ZBTB34: variants seen among roughly 807,000 people sequenced by gnomAD.
ZBTB34 encodes the protein zinc finger and BTB domain containing 34.
ZBTB34 carries 1 observed loss-of-function variant against 33.4 expected under a neutral mutation model. That is an observed-to-expected ratio of 0.03 (90% CI 0.01 to 0.14). The LOEUF (loss-of-function observed/expected upper bound fraction) is 0.14. Among genes scored for constraint, ZBTB34 ranks in the 10% least tolerant of loss-of-function variants. The pLI, the probability that ZBTB34 is intolerant of heterozygous loss-of-function variation, is 1.00. For missense variants in ZBTB34, 406 were observed against 657.2 expected (o/e 0.62, Z 4.18); for synonymous variants, 283 against 253.5 (o/e 1.12, Z -1.11).
Position 126,880,473 on chromosome 9 carries a change from C to G in ZBTB34, c.1074C>G (p.Ser358Arg). Residue 358 changes from serine (S) to arginine (R), a missense_variant, in exon 2 of 2, where the codon AGC becomes AGG. Transcript: ENST00000319119. This position sits in a 1 kb window ranked among gnomAD's most constrained non-coding sequence, Gnocchi z 6.7. ...TGATGAACAACCCCGGGTATGAGAGCAGTCCCCGGGAGAGGAGTGCGAGAG... is the reference window on the plus strand; with the variant it reads ...TGATGAACAACCCCGGGTATGAGAGGAGTCCCCGGGAGAGGAGTGCGAGAG... The G allele has an allele frequency of 6.2e-7, 1 of 1,613,816 alleles. No homozygotes were observed. Among genetic ancestry groups the G allele is most frequent in the Non-Finnish European group, 8.5e-7 (1 of 1,179,892 alleles).
At chr9:126,871,919 C>T (rs1564222557) in intron 1 of ZBTB34, among the ~76,000 whole-genome samples, 1 of 151,824 alleles carries the variant, frequency 6.6e-6, no homozygotes, top group African/African-American at 2.4e-5. Context: ...AATTCGAGAC[C>T]AGCCTGGGCA....
At chr9:126,870,716 C>T (rs1283791412) in intron 1 of ZBTB34, among the ~76,000 whole-genome samples, 1 of 152,182 alleles carries the variant, frequency 6.6e-6, no homozygotes, top group Non-Finnish European at 1.5e-5. Context: ...CATCTGAGGT[C>T]AGGAGTTCAA....
intron 1 of ZBTB34, among the ~76,000 whole-genome samples, chr9:126,863,065 T>G (rs1006317684): frequency 6.6e-6 from 1 of 152,298 alleles, no homozygotes; most frequent in Admixed American, 6.5e-5. Context: ...TTGAAACGTT[T>G]CCCTCTGATC....
At chr9:126,862,310 A>G (rs950897438) in intron 1 of ZBTB34, among the ~76,000 whole-genome samples, 1 of 152,166 alleles carries the variant, frequency 6.6e-6, no homozygotes, top group Non-Finnish European at 1.5e-5. Flanking sequence ...CTCAAACACT[A>G]GGTCAAAGTT....
At chr9:126,860,725 C>A (rs1009105224) in exon 1 of ZBTB34, 20 of 142,592 alleles carry the variant, frequency 1.4e-4, no homozygotes, top group East Asian at 1.3e-3. Flanking sequence ...GATGTGAGCG[C>A]GGCGCTCTGG....
intron 1 of ZBTB34, among the ~76,000 whole-genome samples, chr9:126,872,445 T>G (rs2119218258): frequency 6.6e-6 from 1 of 152,176 alleles, no homozygotes; most frequent in South Asian, 2.1e-4. Flanking sequence ...TGATCTAACT[T>G]AGGTGTAGGC....
chr9:126,881,316 T>G (rs2033437888), exon 2 of ZBTB34: 1 of 167,924 alleles, frequency 6.0e-6, no homozygotes, highest in African/African-American at 2.4e-5. Flanking sequence ...TACAAATGGG[T>G]AACCTTTTCT....
intron 1 of ZBTB34, among the ~76,000 whole-genome samples, chr9:126,878,970 T>TC: frequency 6.6e-6 from 1 of 152,178 alleles, no homozygotes; most frequent in East Asian, 1.9e-4. Context: ...GTGATCCGCC[T>TC]CCCTCAGCCT....
At chr9:126,861,641 A>G (rs2033144747) in intron 1 of ZBTB34, among the ~76,000 whole-genome samples, 1 of 152,190 alleles carries the variant, frequency 6.6e-6, no homozygotes, top group South Asian at 2.1e-4. Context: ...CTTTAAAATG[A>G]TTTCAAGAAG....
exon 2 of ZBTB34, chr9:126,881,022 T>C: frequency 7.8e-7 from 1 of 1,289,212 alleles, no homozygotes; most frequent in South Asian, 1.6e-5. Context: ...TCTTGGTCTC[T>C]TGGCAGTTTT....
rs762639414 is a variant in ZBTB34 at position 126,879,896 on chromosome 9, A to G, written c.497A>G (p.Glu166Gly). 5 of 1,613,028 alleles carry G rather than the reference A, an allele frequency of 3.1e-6. No individual in the cohort carries two copies. The highest frequency in any genetic ancestry group is 4.2e-6 in the Non-Finnish European group (5 of 1,179,878). Residue 166 changes from glutamate to glycine, a missense_variant, in exon 2 of 2, where the codon GAG becomes GGG. Glu to Gly is a moderately conservative substitution (Grantham distance 98, BLOSUM62 -2). This residue lies in a region of ZBTB34 where 137 missense variants were observed against 173.0 expected (regional missense o/e 0.79). Transcript: ENST00000319119. The surrounding 1 kb of genome is among the most constrained non-coding windows in gnomAD (Gnocchi z 6.4). ...AGCAGCTTCTTTGCCAACCCAGTGG[A>G]GATCTCTCCTCCATATTGCTCTCAG...
At chr9:126,882,616 C>T (rs1470109652) in exon 2 of ZBTB34, 1 of 167,056 alleles carries the variant, frequency 6.0e-6, no homozygotes, top group African/African-American at 2.4e-5. Flanking sequence ...GCCTGAGAAC[C>T]TGGGCTCTGA....
intron 1 of ZBTB34, among the ~76,000 whole-genome samples, chr9:126,864,486 G>C (rs1426017014): frequency 1.3e-5 from 2 of 152,126 alleles, no homozygotes; most frequent in East Asian, 3.9e-4. Context: ...TAGTGTATCT[G>C]AGCAGACCTG....
At chr9:126,871,261 A>G (rs2033275195) in intron 1 of ZBTB34, among the ~76,000 whole-genome samples, 1 of 151,734 alleles carries the variant, frequency 6.6e-6, no homozygotes, top group African/African-American at 2.4e-5. Context: ...CTTAGTATCA[A>G]CTGGGAACTG....
intron 1 of ZBTB34, among the ~76,000 whole-genome samples, chr9:126,865,962 G>A (rs1191765057): frequency 6.6e-6 from 1 of 152,144 alleles, no homozygotes; most frequent in Non-Finnish European, 1.5e-5. Flanking sequence ...TCCAGCCTGG[G>A]CACAGAGCAA....
chr9:126,862,261 G>T (rs1445238632), intron 1 of ZBTB34, among the ~76,000 whole-genome samples: 1 of 152,132 alleles, frequency 6.6e-6, no homozygotes, highest in East Asian at 1.9e-4. Flanking sequence ...CATATAGGAG[G>T]GAAGTAGGAG....
rs747138762 is a variant in ZBTB34, at chr9:126,880,604, C to G, written c.1205C>G (p.Thr402Ser). Residue 402 changes from threonine (T) to serine (S), a missense_variant, in exon 2 of 2, where the codon ACC (threonine) becomes AGC (serine). Around this residue, in one of 6 missense-constraint regions of ZBTB34, gnomAD observed 36 missense variants for 109.4 expected, o/e 0.33. Transcript: ENST00000319119. The surrounding 1 kb of genome is among the most constrained non-coding windows in gnomAD (Gnocchi z 6.7). ...CACATGCGACTCCATATGGGAATCA[C>G]CCCCTTTGTGTGCAAGTTCTGTGGG... is the stretch of plus-strand genomic sequence containing the variant. The G allele has an allele frequency of 6.2e-7, 1 of 1,613,886 alleles. No individual in the cohort carries two copies. Among genetic ancestry groups the G allele is most frequent in the Non-Finnish European group, 8.5e-7 (1 of 1,179,890 alleles).
chr9:126,871,509 C>G (rs948632457), intron 1 of ZBTB34, among the ~76,000 whole-genome samples: 1 of 151,810 alleles, frequency 6.6e-6, no homozygotes, highest in South Asian at 2.1e-4. Flanking sequence ...ATTACAGGCG[C>G]GTGCCACCAC....
At chr9:126,881,655 A>G (rs1394354600) in exon 2 of ZBTB34, 8 of 167,018 alleles carry the variant, frequency 4.8e-5, no homozygotes, top group African/African-American at 1.9e-4. Flanking sequence ...ATGCCATAAA[A>G]TTTCTTCAAC....
Sources: gnomAD v4.1 joint callset for allele counts (sites outside exome capture counted in the v4.1 genomes callset) on GRCh38, gnomAD v4.1.1 for gene constraint, gnomAD v4.1.1 regional missense constraint, Gnocchi (gnomAD v3.1) non-coding constraint, MANE v1.5 for transcripts, NCBI Gene and HGNC (gene_info 2026-07-23, HGNC 2026-07-21) for gene names.